ZNF385B: variants seen among roughly 807,000 people sequenced by gnomAD.
ZNF385B encodes the protein zinc finger protein 533.
Under a neutral mutation model 39.2 loss-of-function variants are expected in ZNF385B, and 23 were observed. The observed-to-expected ratio is 0.59, with a 90% CI of 0.42 to 0.83. The LOEUF (loss-of-function observed/expected upper bound fraction) is 0.83. Among genes scored for constraint, ZNF385B ranks in the 40% least tolerant of loss-of-function variants. The pLI, the probability that ZNF385B is intolerant of heterozygous loss-of-function variation, is 0.00. For missense variants in ZNF385B, 552 were observed against 598.9 expected, an observed-to-expected ratio of 0.92 and a Z score of 0.82; for synonymous variants, 205 against 222.6, an observed-to-expected ratio of 0.92 and a Z score of 0.70.
chr2:179,644,781 G>C (rs139048240), intron 3 of ZNF385B, among the ~76,000 whole-genome samples: 3 of 152,088 alleles, frequency 2.0e-5, no homozygotes, highest in Non-Finnish European at 4.4e-5. Flanking sequence ...ATCACTTGCT[G>C]TGTCTCCTTT....
At chr2:179,445,401 G>T (rs1208547122) in intron 8 of ZNF385B, 149 bp downstream of exon 8, 4 of 684,560 alleles carry the variant, frequency 5.8e-6, no homozygotes, top group Non-Finnish European at 9.6e-6. Context: ...TTTCTTCCAT[G>T]TTAGCACCTA....
At chr2:179,798,476 A>G (rs75157996) in intron 1 of ZNF385B, among the ~76,000 whole-genome samples, 1,856 of 152,244 alleles carry the variant, frequency 0.012, 44 homozygotes, top group African/African-American at 0.042. Flanking sequence ...ATTCAAATTC[A>G]GGACTACAAG....
intron 1 of ZNF385B, among the ~76,000 whole-genome samples, chr2:179,781,668 C>T (rs1186642340): frequency 6.6e-6 from 1 of 152,064 alleles, no homozygotes; most frequent in African/African-American, 2.4e-5. Flanking sequence ...AAACAACCAA[C>T]ATAAACTACT....
intron 5 of ZNF385B, among the ~76,000 whole-genome samples, chr2:179,488,605 A>C (rs1274896830): frequency 6.6e-6 from 1 of 152,072 alleles, no homozygotes; most frequent in Non-Finnish European, 1.5e-5. Flanking sequence ...TTACCTATAT[A>C]TTTACCAATA....
intron 1 of ZNF385B, among the ~76,000 whole-genome samples, chr2:179,847,204 C>A (rs570329754): frequency 6.6e-6 from 1 of 152,122 alleles, no homozygotes. Flanking sequence ...TATGACCAGG[C>A]TATAGCTGAT....
At chr2:179,638,697 C>T (rs1204270680) in intron 3 of ZNF385B, among the ~76,000 whole-genome samples, 2 of 152,092 alleles carry the variant, frequency 1.3e-5, no homozygotes, top group African/African-American at 2.4e-5. Flanking sequence ...CGCAAACCGA[C>T]TATCTAGATT....
intron 3 of ZNF385B, chr2:179,745,791 T>G: frequency 6.6e-7 from 1 of 1,517,988 alleles, no homozygotes; most frequent in Non-Finnish European, 8.8e-7. Flanking sequence ...AAACAAAACT[T>G]CCAGTATGTG....
chr2:179,545,259 G>A (rs1386316979), intron 3 of ZNF385B, among the ~76,000 whole-genome samples: 1 of 152,204 alleles, frequency 6.6e-6, no homozygotes, highest in Non-Finnish European at 1.5e-5. Flanking sequence ...GACAGAATGA[G>A]AATGTCCTGT....
At chr2:179,457,750 AG>A (rs1490915583) in intron 6 of ZNF385B, among the ~76,000 whole-genome samples, 1 of 152,132 alleles carries the variant, frequency 6.6e-6, no homozygotes, top group Non-Finnish European at 1.5e-5. Context: ...ATTGATTTAT[AG>A]GAAGTCTTTA....
At chr2:179,828,574 G>A (rs2106593006) in intron 1 of ZNF385B, among the ~76,000 whole-genome samples, 1 of 152,264 alleles carries the variant, frequency 6.6e-6, no homozygotes, top group African/African-American at 2.4e-5. Flanking sequence ...CCATCATAAT[G>A]TGAGTGGCTA....
At chr2:179,457,660 T>TA (rs1361855340) in intron 6 of ZNF385B, among the ~76,000 whole-genome samples, 2 of 152,196 alleles carry the variant, frequency 1.3e-5, no homozygotes, top group African/African-American at 4.8e-5. Context: ...TTCTTTTTTT[T>TA]ATTGGCCAAT....
intron 3 of ZNF385B, among the ~76,000 whole-genome samples, chr2:179,602,419 C>T (rs546780632): frequency 1.3e-5 from 2 of 152,166 alleles, no homozygotes; most frequent in Non-Finnish European, 2.9e-5. Context: ...TGGTCTCAAA[C>T]TCCTGACCTC....
chr2:179,529,237 T>C (rs1206075386), intron 4 of ZNF385B, among the ~76,000 whole-genome samples: 1 of 152,204 alleles, frequency 6.6e-6, no homozygotes, highest in Non-Finnish European at 1.5e-5. Flanking sequence ...ATGCAACTGC[T>C]GTTTTCAATG....
chr2:179,512,817 G>A (rs1222171488), intron 5 of ZNF385B, among the ~76,000 whole-genome samples: 1 of 152,168 alleles, frequency 6.6e-6, no homozygotes, highest in Non-Finnish European at 1.5e-5. Flanking sequence ...CAAAGTTAAT[G>A]GTGTTAATTT....
At chr2:179,746,124 T>C in intron 3 of ZNF385B, 1 of 782,668 alleles carries the variant, frequency 1.3e-6, no homozygotes, top group African/African-American at 1.9e-5. Context: ...AATCAGCCAC[T>C]GTGATCAAAT....
intron 1 of ZNF385B, among the ~76,000 whole-genome samples, chr2:179,822,833 G>A (rs1443074214): frequency 6.6e-6 from 1 of 152,060 alleles, no homozygotes; most frequent in African/African-American, 2.4e-5. Flanking sequence ...TGTGCTTATG[G>A]GAGTAAGCCA....
At chr2:179,455,853 C>T (rs948476718) in intron 6 of ZNF385B, among the ~76,000 whole-genome samples, 1 of 144,354 alleles carries the variant, frequency 6.9e-6, no homozygotes, top group African/African-American at 2.6e-5. Flanking sequence ...GATTGTGCCA[C>T]TGGGAGATAG....
At chr2:179,670,674 C>T (rs993969797) in intron 3 of ZNF385B, among the ~76,000 whole-genome samples, 5 of 152,076 alleles carry the variant, frequency 3.3e-5, no homozygotes, top group East Asian at 1.9e-4. Flanking sequence ...AAAAGGCATC[C>T]GTTTAATCAC....
chr2:179,676,601 C>G (rs939400022), intron 3 of ZNF385B, among the ~76,000 whole-genome samples: 13 of 151,926 alleles, frequency 8.6e-5, no homozygotes, highest in African/African-American at 2.7e-4. Flanking sequence ...TGGAGAGCAG[C>G]GGGGGGACAG....
Sources: gnomAD v4.1 joint callset for allele counts (sites outside exome capture counted in the v4.1 genomes callset) on GRCh38, gnomAD v4.1.1 for gene constraint, MANE v1.5 for transcripts, NCBI Gene and HGNC (gene_info 2026-07-23, HGNC 2026-07-21) for gene names.